The following STPG4 variants were observed in gnomAD, a reference collection of about 807,000 sequenced individuals.
The protein encoded by STPG4 is protein STPG4.
A neutral mutation model predicts 31.5 loss-of-function variants in STPG4; 41 were observed. That is an observed-to-expected ratio of 1.30 (90% CI 1.01 to 1.69). The LOEUF is 1.69. Among genes scored for constraint, STPG4 ranks in the 40% most tolerant of loss-of-function variants. The pLI is 0.00. For synonymous variants in STPG4, 141 were observed against 103.0 expected (o/e 1.37, Z -2.24); for missense variants, 375 against 293.4 (o/e 1.28, Z -2.03).
intron 3 of STPG4, among the ~76,000 whole-genome samples, chr2:47,133,889 C>T (rs1359866635): frequency 2.0e-5 from 3 of 152,038 alleles, no homozygotes; most frequent in Non-Finnish European, 2.9e-5. Flanking sequence ...GCACTCAAAT[C>T]TTATGAGAGC....
chr2:47,114,199 C>A (rs890626102), intron 5 of STPG4, among the ~76,000 whole-genome samples: 2 of 150,900 alleles, frequency 1.3e-5, no homozygotes, highest in Admixed American at 1.3e-4. Flanking sequence ...AGCAAGACCC[C>A]ATTTTCAAAA....
chr2:47,131,104 G>A (rs565834599), intron 3 of STPG4, among the ~76,000 whole-genome samples: 94 of 148,668 alleles, frequency 6.3e-4, no homozygotes, highest in African/African-American at 2.1e-3. Flanking sequence ...GTGAGCCACT[G>A]TACCTGACCT....
chr2:47,109,204 A>T (rs1010658133), intron 5 of STPG4, among the ~76,000 whole-genome samples: 2 of 152,252 alleles, frequency 1.3e-5, no homozygotes, highest in East Asian at 3.8e-4. Context: ...ACGCTGTTGG[A>T]AAAGCAGCAC....
intron 1 of STPG4, 151 bp downstream of exon 1, chr2:47,155,020 C>G (rs986316950): frequency 3.0e-6 from 2 of 657,486 alleles, no homozygotes; most frequent in African/African-American, 3.6e-5. Flanking sequence ...GGAAGGTCCG[C>G]AGGTGGAGAC....
At chr2:47,095,465 A>C (rs183371461) in intron 5 of STPG4, among the ~76,000 whole-genome samples, 1 of 152,284 alleles carries the variant, frequency 6.6e-6, no homozygotes, top group Non-Finnish European at 1.5e-5. Flanking sequence ...ACTCAGAAGG[A>C]ACCCACACTG....
Position 47,087,029 on chromosome 2 carries a change from G to A in STPG4, c.726C>T (p.Asn242=), listed in dbSNP as rs1163109800. 3 of 1,551,634 alleles carry A rather than the reference G, an allele frequency of 1.9e-6. No homozygotes were observed. Among genetic ancestry groups the A allele is most frequent in the African/African-American group, 2.7e-5 (2 of 73,062 alleles). The stretch of plus-strand genomic sequence containing the variant: ...CACTTTATTTTAAAAGCCAATTGTT[G>A]TTGTTGAAGAAAAGGCTATGCTCTT... ...MGQEHSLFFN[N]NNWLLK The change falls in exon 7 of 7, where the codon AAC becomes AAT. Residue 242 remains asparagine, a synonymous_variant. Coordinates refer to ENST00000445927, the MANE Select transcript of STPG4 (RefSeq NM_001163561.2).
chr2:47,105,572 C>T (rs1685893371), intron 5 of STPG4, among the ~76,000 whole-genome samples: 1 of 152,004 alleles, frequency 6.6e-6, no homozygotes, highest in South Asian at 2.1e-4. Context: ...ACTTACGCTG[C>T]CTGAGATGAT....
In STPG4 at chr2:47,118,866, T is replaced by C. The variant is rs141233516; in HGVS notation, c.519+11075A>G. Among the ~76,000 whole-genome samples the C allele has an allele frequency of 1.0e-3, 157 of 152,362 alleles. 1 individual carries two copies. Among genetic ancestry groups the C allele is most frequent in the African/African-American group, 3.7e-3 (152 of 41,590 alleles). The stretch of plus-strand genomic sequence containing the variant: ...TCAAGATCATTATCAAAGTTAACCC[T>C]ACTACATGCTGTAGTTGATTTATAA... On this transcript the variant is annotated intron_variant, in intron 5 of 6. Transcript: ENST00000445927.
intron 5 of STPG4, among the ~76,000 whole-genome samples, chr2:47,091,151 A>C: frequency 1.1e-5 from 1 of 91,280 alleles, no homozygotes; most frequent in South Asian, 4.2e-4. Flanking sequence ...AAGGAAGGGA[A>C]GGGAGGGAGG....
intron 5 of STPG4, among the ~76,000 whole-genome samples, chr2:47,125,303 T>A (rs964688924): frequency 1.3e-5 from 2 of 152,016 alleles, no homozygotes; most frequent in African/African-American, 4.8e-5. Context: ...GCACCTGTAA[T>A]CCCAGCTACT....
chr2:47,140,203 A>T (rs1325424931), intron 3 of STPG4, among the ~76,000 whole-genome samples: 1 of 152,164 alleles, frequency 6.6e-6, no homozygotes, highest in Non-Finnish European at 1.5e-5. Flanking sequence ...GCACAGGATG[A>T]CTAAAGCTGG....
chr2:47,106,677 C>T (rs955783459), intron 5 of STPG4, among the ~76,000 whole-genome samples: 9 of 151,724 alleles, frequency 5.9e-5, no homozygotes, highest in Non-Finnish European at 8.8e-5. Flanking sequence ...TATGAGATAC[C>T]GCCCGGCGTT....
intron 3 of STPG4, among the ~76,000 whole-genome samples, chr2:47,136,523 A>G (rs1285248212): frequency 6.6e-6 from 1 of 152,162 alleles, no homozygotes; most frequent in Non-Finnish European, 1.5e-5. Flanking sequence ...TTAGATTTAT[A>G]CCTAAGTATG....
intron 1 of STPG4, 116 bp from the exon 2 acceptor site, chr2:47,153,132 T>C: frequency 1.6e-6 from 1 of 614,106 alleles, no homozygotes. Context: ...TGATATGTCT[T>C]CATTAAAATA....
chr2:47,090,011 C>G (rs1685537154), intron 6 of STPG4, among the ~76,000 whole-genome samples: 1 of 152,350 alleles, frequency 6.6e-6, no homozygotes, highest in Admixed American at 6.5e-5. Flanking sequence ...TGTGCTGCTT[C>G]CAACTGGCCC....
At chr2:47,100,887 C>T (rs953978776) in intron 5 of STPG4, among the ~76,000 whole-genome samples, 4 of 151,796 alleles carry the variant, frequency 2.6e-5, no homozygotes, top group African/African-American at 7.3e-5. Flanking sequence ...AAACTCCAGA[C>T]GCGCCACCTT....
chr2:47,112,189 C>A (rs4953465), intron 5 of STPG4, among the ~76,000 whole-genome samples: 36,635 of 151,990 alleles, frequency 0.24, 4,442 homozygotes, highest in South Asian at 0.29. Flanking sequence ...GTTTTTGAGA[C>A]GGAGTCTTGC....
intron 5 of STPG4, among the ~76,000 whole-genome samples, chr2:47,105,638 C>A (rs778611446): frequency 5.3e-5 from 8 of 152,000 alleles, no homozygotes; most frequent in Non-Finnish European, 7.3e-5. Context: ...GATGGAAGTT[C>A]ATTTGTGGAG....
intron 5 of STPG4, among the ~76,000 whole-genome samples, chr2:47,096,773 T>G (rs1490075744): frequency 6.6e-6 from 1 of 152,234 alleles, no homozygotes; most frequent in Non-Finnish European, 1.5e-5. Flanking sequence ...TCTAGGATCA[T>G]TGACTTCAGG....
Sources: allele counts gnomAD v4.1 joint callset (sites outside exome capture counted in the v4.1 genomes callset), GRCh38; gene constraint gnomAD v4.1.1; transcripts MANE v1.5; gene names NCBI Gene and HGNC (gene_info 2026-07-23, HGNC 2026-07-21).